The following GARNL3 variants were observed in gnomAD, a reference collection of about 807,000 sequenced individuals.
The protein encoded by GARNL3 is GTPase-activating Rap/Ran-GAP domain-like protein 3.
A neutral mutation model predicts 125.0 loss-of-function variants in GARNL3; 63 were observed. That is an observed-to-expected ratio of 0.50 (90% CI 0.41 to 0.62). The LOEUF is 0.62. GARNL3 is among the 20% of genes least tolerant of loss of function. GARNL3 has a pLI of 0.00. For missense variants in GARNL3, 994 were observed against 1,244.0 expected (o/e 0.80, Z 3.02); for synonymous variants, 439 against 457.5 (o/e 0.96, Z 0.52).
At chr9:127,354,495 T>C in intron 19 of GARNL3, 85 bp downstream of exon 19, 1 of 768,372 alleles carries the variant, frequency 1.3e-6, no homozygotes, top group South Asian at 1.7e-5. Flanking sequence ...TAAAAATGAG[T>C]AGGAATTTGA....
intron 1 of GARNL3, among the ~76,000 whole-genome samples, chr9:127,286,000 AG>A (rs2064240628): frequency 8.4e-6 from 1 of 119,682 alleles, no homozygotes. Flanking sequence ...GAGAAGTTCC[AG>A]GCTCCTCTTT....
chr9:127,270,321 T>A (rs113406984), intron 1 of GARNL3, among the ~76,000 whole-genome samples: 1,818 of 152,358 alleles, frequency 0.012, 45 homozygotes, highest in African/African-American at 0.037. Flanking sequence ...TAAAATGTTG[T>A]CAATACAATG....
At chr9:127,239,661 A>G (rs2131158951) in intron 1 of GARNL3, among the ~76,000 whole-genome samples, 1 of 152,338 alleles carries the variant, frequency 6.6e-6, no homozygotes, top group Non-Finnish European at 1.5e-5. Context: ...TATATATTTT[A>G]AATAGTGAGA....
intron 12 of GARNL3, 44 bp downstream of exon 12, chr9:127,338,205 C>T (rs779678701): frequency 3.6e-6 from 5 of 1,407,478 alleles, no homozygotes; most frequent in Non-Finnish European, 5.0e-6. Context: ...AATTCTCATG[C>T]TTGTTAATTT....
At chr9:127,313,590 T>A (rs774470633) in intron 4 of GARNL3, 31 bp downstream of exon 4, 49 of 1,394,198 alleles carry the variant, frequency 3.5e-5, no homozygotes, top group Admixed American at 8.4e-5. Context: ...TGAAGCAAAA[T>A]TTATGCATCA....
At chr9:127,304,325 GT>G (rs1418918068) in intron 2 of GARNL3, among the ~76,000 whole-genome samples, 2 of 152,130 alleles carry the variant, frequency 1.3e-5, no homozygotes, top group Non-Finnish European at 2.9e-5. Context: ...TAAAAGTTTG[GT>G]CAGAGAACAT....
Position 127,385,170 on chromosome 9 carries a change from C to CTT in GARNL3, c.2388+26_2388+27insTT. 2 of 1,486,268 alleles carry CTT rather than the reference C, an allele frequency of 1.3e-6. No individual in the cohort carries two copies. The allele number at this position is 1,486,268 out of a possible 1,614,324, so 92.1% of individuals were successfully genotyped here. On this transcript the variant is annotated intron_variant, in intron 24 of 27. Coordinates refer to ENST00000373387, the MANE Select transcript of GARNL3 (RefSeq NM_032293.5). This position sits in a 1 kb window ranked among gnomAD's most constrained non-coding sequence, Gnocchi z 4.1. ...GGTGAGTAGGACTGGGATTTTATCT[C>CTT]TGAGTGGTTTGGGGGACCCCGGCAC...
chr9:127,313,378 C>T (rs1172399833), intron 3 of GARNL3, 63 bp from the exon 4 acceptor site: 5 of 1,157,714 alleles, frequency 4.3e-6, no homozygotes, highest in South Asian at 1.2e-5. Flanking sequence ...CTGCAGTGTC[C>T]TCTACCATCT....
chr9:127,247,978 A>G (rs1387403958), intron 2 of GARNL3, among the ~76,000 whole-genome samples: 1 of 152,084 alleles, frequency 6.6e-6, no homozygotes, highest in Non-Finnish European at 1.5e-5. Context: ...CTCTATCTCC[A>G]TGAGTTCAAT....
chr9:127,239,967 T>C (rs138950277), intron 1 of GARNL3, among the ~76,000 whole-genome samples: 3 of 152,300 alleles, frequency 2.0e-5, no homozygotes, highest in African/African-American at 7.2e-5. Context: ...GGTAAGATAA[T>C]TAAATCATCT....
intron 2 of GARNL3, among the ~76,000 whole-genome samples, chr9:127,302,363 T>G (rs1345310281): frequency 6.6e-6 from 1 of 152,140 alleles, no homozygotes; most frequent in Non-Finnish European, 1.5e-5. Context: ...AGGACGTATA[T>G]TGTAGCATTA....
intron 21 of GARNL3, among the ~76,000 whole-genome samples, chr9:127,359,757 A>G (rs1830885019): frequency 6.6e-6 from 1 of 152,196 alleles, no homozygotes. Flanking sequence ...GCTATAGAGA[A>G]TATCATTTTA....
intron 1 of GARNL3, among the ~76,000 whole-genome samples, chr9:127,271,458 C>T (rs2063822774): frequency 6.7e-6 from 1 of 150,202 alleles, no homozygotes; most frequent in Non-Finnish European, 1.5e-5. Flanking sequence ...CTCTTTGATT[C>T]CCCCCTCAAC....
chr9:127,240,974 T>A (rs1056089133), intron 1 of GARNL3, among the ~76,000 whole-genome samples: 1 of 152,262 alleles, frequency 6.6e-6, no homozygotes. Context: ...GTAATCAGTG[T>A]GAAAAACTAT....
intron 2 of GARNL3, among the ~76,000 whole-genome samples, chr9:127,249,310 G>A (rs943260612): frequency 1.3e-5 from 2 of 152,200 alleles, no homozygotes; most frequent in African/African-American, 4.8e-5. Flanking sequence ...TGGACCAGGT[G>A]CAGTGGCTCA....
At chr9:127,360,689 T>A (rs1299221063) in intron 21 of GARNL3, among the ~76,000 whole-genome samples, 1 of 152,168 alleles carries the variant, frequency 6.6e-6, no homozygotes, top group Non-Finnish European at 1.5e-5. Context: ...CATTGGAATT[T>A]CATTTCCATT....
chr9:127,310,304 T>C (rs1431534465), intron 2 of GARNL3, among the ~76,000 whole-genome samples: 3 of 152,176 alleles, frequency 2.0e-5, no homozygotes, highest in Non-Finnish European at 2.9e-5. Flanking sequence ...GAAACATCTA[T>C]GTGGCCAAAA....
chr9:127,293,073 T>C (rs2064473879), intron 2 of GARNL3, among the ~76,000 whole-genome samples: 1 of 152,242 alleles, frequency 6.6e-6, no homozygotes, highest in Non-Finnish European at 1.5e-5. Context: ...TGATGCTCCA[T>C]TGGAGCACCT....
At chr9:127,324,981 A>G (rs1204025603) in intron 6 of GARNL3, 88 bp from the exon 7 acceptor site, 8 of 1,324,482 alleles carry the variant, frequency 6.0e-6, no homozygotes, top group Non-Finnish European at 8.7e-6. Flanking sequence ...TGTCAGTGTG[A>G]GCAAACCAAA....
Sources: allele counts gnomAD v4.1 joint callset (sites outside exome capture counted in the v4.1 genomes callset), GRCh38; gene constraint gnomAD v4.1.1; non-coding constraint Gnocchi (gnomAD v3.1); transcripts MANE v1.5; gene names NCBI Gene and HGNC (gene_info 2026-07-23, HGNC 2026-07-21).